The following SMAD2 variants were observed in gnomAD, a reference collection of about 807,000 sequenced individuals.
The protein encoded by SMAD2 is MAD homolog 2.
A neutral mutation model predicts 64.4 loss-of-function variants in SMAD2; 8 were observed. That is an observed-to-expected ratio of 0.12 (90% confidence interval 0.07 to 0.22). The LOEUF (loss-of-function observed/expected upper bound fraction) is 0.22, where lower values mean the gene tolerates loss of function less well. Among genes scored for constraint, SMAD2 ranks in the 10% least tolerant of loss-of-function variants. SMAD2 has a pLI of 1.00. For synonymous variants in SMAD2, 203 were observed against 195.8 expected (o/e 1.04, Z -0.31); for missense variants, 289 against 561.2 (o/e 0.51, Z 4.90).
At chr18:47,888,648 A>G (rs1489117585) in intron 2 of SMAD2, among the ~76,000 whole-genome samples, 1 of 152,230 alleles carries the variant, frequency 6.6e-6, no homozygotes, top group Non-Finnish European at 1.5e-5. Flanking sequence ...CACCCAGCTC[A>G]ATCGCTAATT....
At position 47,868,372 on chromosome 18, in the gene SMAD2, T is replaced by TTCTGGA; in HGVS notation, c.600_605dup (p.Pro201_Glu202insAspPro). Reference sequence around the variant, plus strand: ...CAATTCCTGCTGGGAAGTTAGTGTTTTCTGGAATGGAGTGAGTATAGTCAT... The same window carrying TTCTGGA: ...CAATTCCTGCTGGGAAGTTAGTGTTTTCTGGATCTGGAATGGAGTGAGTATAGTCAT... On this transcript the variant is annotated inframe_insertion, in exon 5 of 11. Coordinates refer to ENST00000262160, the MANE Select transcript of SMAD2 (RefSeq NM_005901.6). 1.2e-6 allele frequency: 2 copies of TTCTGGA among 1,612,542 alleles called. No individual in the cohort carries two copies. The highest frequency in any genetic ancestry group is 8.5e-7 in the Non-Finnish European group (1 of 1,178,740).
intron 10 of SMAD2, among the ~76,000 whole-genome samples, chr18:47,843,058 G>A (rs1914126177): frequency 6.6e-6 from 1 of 152,144 alleles, no homozygotes; most frequent in African/African-American, 2.4e-5. Flanking sequence ...CACTTTCTGA[G>A]GCAGATGGTA....
chr18:47,847,700 CAAAAAAAAA>C (rs58794971), intron 8 of SMAD2, among the ~76,000 whole-genome samples: 1 of 111,934 alleles, frequency 8.9e-6, no homozygotes, highest in East Asian at 2.3e-4. Context: ...ATTTCCAAAG[CAAAAAAAAA>C]AAAAAAAAAA....
rs986312824 is a variant in SMAD2 at position 47,830,730 on chromosome 18, C to T, written c.*11097G>A. ...GCCACAATATAGTTTAGAGGCAAGA[C>T]CTCTCATGAAGAAAAACTTTACAAG... On this transcript the variant is annotated 3_prime_UTR_variant, in exon 11 of 11. Transcript: ENST00000262160. 6.5e-6 allele frequency: 1 copy of T among 153,512 alleles called. No individual in the cohort carries two copies. Among genetic ancestry groups the T allele is most frequent in the African/African-American group, 2.4e-5 (1 of 41,436 alleles). 9.5% of individuals were successfully genotyped at this position (153,512 alleles called of 1,614,324 possible).
At chr18:47,892,088 G>A (rs1010176628) in intron 2 of SMAD2, among the ~76,000 whole-genome samples, 1 of 151,982 alleles carries the variant, frequency 6.6e-6, no homozygotes, top group African/African-American at 2.4e-5. Context: ...AGCCCTTTCT[G>A]GATCCATGAT....
In SMAD2 at chr18:47,821,018, T is replaced by C. The variant is rs1034299638; in HGVS notation, c.*20809A>G. The C allele has an allele frequency of 6.6e-6, 1 of 152,102 alleles. No individual in the cohort carries two copies. The highest frequency in any genetic ancestry group is 1.5e-5 in the Non-Finnish European group (1 of 67,984). The allele number at this position is 152,102 out of a possible 1,614,324, so 9.4% of individuals were successfully genotyped here. A position where few individuals can be genotyped will look rare whatever the true frequency, so the allele number is the denominator to read the frequency against. On this transcript the variant is annotated 3_prime_UTR_variant, in exon 11 of 11. Transcript: ENST00000262160. ...ATAAAATTGAAAGAGGTTTTAATTT[T>C]TAATTCTAAAATCAGCCATCTTCTA...
intron 7 of SMAD2, among the ~76,000 whole-genome samples, chr18:47,850,182 A>T (rs1914971477): frequency 9.5e-6 from 1 of 105,622 alleles, no homozygotes; most frequent in Non-Finnish European, 1.8e-5. Flanking sequence ...ACTCTCATAT[A>T]TATATTATAT....
chr18:47,910,040 A>G (rs1178749117), intron 1 of SMAD2, among the ~76,000 whole-genome samples: 1 of 152,198 alleles, frequency 6.6e-6, no homozygotes, highest in African/African-American at 2.4e-5. Context: ...TTGCTGTTAT[A>G]GAAAAAACCA....
At chr18:47,911,098 T>C (rs982838996) in intron 1 of SMAD2, among the ~76,000 whole-genome samples, 3 of 152,012 alleles carry the variant, frequency 2.0e-5, no homozygotes, top group Admixed American at 2.0e-4. Context: ...ACGCCTGTAA[T>C]CCCAGCACTT....
intron 1 of SMAD2, among the ~76,000 whole-genome samples, chr18:47,899,993 A>C (rs1349351866): frequency 6.6e-6 from 1 of 152,166 alleles, no homozygotes; most frequent in Non-Finnish European, 1.5e-5. Context: ...TACTAGCTGC[A>C]TGGCAACCTC....
In SMAD2 at chr18:47,840,509, C is replaced by G; in HGVS notation, c.*1318G>C. The stretch of plus-strand genomic sequence containing the variant: ...GGTAACTTATAAGCTAAAAAACTTG[C>G]TAAATAAATGGCTTTTCCCCCAATT... On this transcript the variant is annotated 3_prime_UTR_variant, in exon 11 of 11. Coordinates refer to ENST00000262160, the MANE Select transcript of SMAD2 (RefSeq NM_005901.6). The G allele has an allele frequency of 4.3e-6, 1 of 232,380 alleles. No individual in the cohort carries two copies. The highest frequency in any genetic ancestry group is 8.5e-6 in the Non-Finnish European group (1 of 117,496). 14.4% of individuals were successfully genotyped at this position (232,380 alleles called of 1,614,324 possible). A position where few individuals can be genotyped will look rare whatever the true frequency, so the allele number is the denominator to read the frequency against.
At position 47,832,717 on chromosome 18, in the gene SMAD2, A is replaced by G. The variant is rs1192590786; in HGVS notation, c.*9110T>C. 6.6e-6 allele frequency: 1 copy of G among 152,170 alleles called. No homozygotes were observed. Among genetic ancestry groups the G allele is most frequent in the African/African-American group, 2.4e-5 (1 of 41,456 alleles). The allele number at this position is 152,170 out of a possible 1,614,324, so 9.4% of individuals were successfully genotyped here. A position where few individuals can be genotyped will look rare whatever the true frequency, so the allele number is the denominator to read the frequency against. On this transcript the variant is annotated 3_prime_UTR_variant, in exon 11 of 11. Transcript: ENST00000262160. Reference sequence around the variant, plus strand: ...TTAAAAATGTTATTTTGTTAAAAGTATATTTCAGCAAATTTCAACTTTGAA... The same window carrying G: ...TTAAAAATGTTATTTTGTTAAAAGTGTATTTCAGCAAATTTCAACTTTGAA...
At chr18:47,926,135 G>A (rs1397113235) in intron 1 of SMAD2, among the ~76,000 whole-genome samples, 3 of 152,180 alleles carry the variant, frequency 2.0e-5, no homozygotes, top group Non-Finnish European at 4.4e-5. Flanking sequence ...CTTGGAATCT[G>A]AATGGCTGTC....
At chr18:47,923,575 T>C (rs779804694) in intron 1 of SMAD2, 5 of 152,322 alleles carry the variant, frequency 3.3e-5, no homozygotes, top group African/African-American at 9.6e-5. Context: ...CCTGTTAAGA[T>C]AGAGCAGGTC....
intron 6 of SMAD2, among the ~76,000 whole-genome samples, chr18:47,857,740 A>G (rs960946623): frequency 6.6e-6 from 1 of 152,196 alleles, no homozygotes; most frequent in Non-Finnish European, 1.5e-5. Flanking sequence ...AAGCCAACTA[A>G]AATTTCAATG....
intron 2 of SMAD2, among the ~76,000 whole-genome samples, chr18:47,873,402 T>C (rs1305057931): frequency 8.5e-5 from 13 of 152,190 alleles, no homozygotes. Context: ...ATTTATATAT[T>C]TGATGCAATC....
intron 6 of SMAD2, among the ~76,000 whole-genome samples, chr18:47,858,855 T>C (rs2030937666): frequency 6.6e-6 from 1 of 151,942 alleles, no homozygotes; most frequent in Non-Finnish European, 1.5e-5. Flanking sequence ...AACAAACAGA[T>C]AAAAACCAGA....
chr18:47,845,161 G>T, intron 10 of SMAD2, 179 bp downstream of exon 10: 1 of 683,826 alleles, frequency 1.5e-6, no homozygotes, highest in Non-Finnish European at 2.6e-6. Context: ...CTTCCATAAT[G>T]GCAGCTCAGT....
chr18:47,915,591 A>G (rs1056064138), intron 1 of SMAD2, among the ~76,000 whole-genome samples: 2 of 152,222 alleles, frequency 1.3e-5, no homozygotes, highest in Non-Finnish European at 2.9e-5. Context: ...CCCACAGTGA[A>G]AAGTACATTT....
Sources: allele counts gnomAD v4.1 joint callset (sites outside exome capture counted in the v4.1 genomes callset), GRCh38; gene constraint gnomAD v4.1.1; transcripts MANE v1.5; gene names NCBI Gene and HGNC (gene_info 2026-07-23, HGNC 2026-07-21).